Variants in HS6ST1 observed in about 807,000 individuals in gnomAD.
HS6ST1 encodes the protein heparan sulfate 6-O-sulfotransferase 1, also known as heparan-sulfate 6-O-sulfotransferase 1.
In HS6ST1, 3 loss-of-function variants were observed where a neutral mutation model predicts 25.2. The observed-to-expected ratio is 0.12, with a 90% confidence interval of 0.05 to 0.31. HS6ST1 has a LOEUF of 0.31. Ranked by LOEUF, HS6ST1 falls within the 10% of genes least tolerant of loss-of-function variation. HS6ST1 has a pLI of 1.00. For synonymous variants in HS6ST1, 204 were observed against 275.1 expected, an observed-to-expected ratio of 0.74 and a Z score of 2.56; for missense variants, 310 against 609.6, an observed-to-expected ratio of 0.51 and a Z score of 5.18.
chr2:128,286,947 G>C (rs930371509), intron 1 of HS6ST1, among the ~76,000 whole-genome samples: 2 of 152,200 alleles, frequency 1.3e-5, no homozygotes, highest in African/African-American at 4.8e-5. Flanking sequence ...CCTCCTAGGA[G>C]CCTGAGACTC....
intron 1 of HS6ST1, among the ~76,000 whole-genome samples, chr2:128,284,586 T>C (rs1693834772): frequency 6.6e-6 from 1 of 151,648 alleles, no homozygotes; most frequent in Non-Finnish European, 1.5e-5. Flanking sequence ...CTGCAACCTT[T>C]GCCTCCTGGG....
intron 1 of HS6ST1, among the ~76,000 whole-genome samples, chr2:128,297,009 C>T (rs1694047810): frequency 1.3e-5 from 2 of 152,138 alleles, no homozygotes; most frequent in African/African-American, 4.8e-5. Flanking sequence ...CTGCAGTGAG[C>T]CAGGTTCACA....
At chr2:128,298,223 G>A (rs1201424691) in intron 1 of HS6ST1, among the ~76,000 whole-genome samples, 1 of 152,134 alleles carries the variant, frequency 6.6e-6, no homozygotes, top group African/African-American at 2.4e-5. Flanking sequence ...TGGTGGGAAG[G>A]TAAAATGGTA....
At chr2:128,272,251 G>A (rs1693619784) in intron 1 of HS6ST1, among the ~76,000 whole-genome samples, 1 of 152,250 alleles carries the variant, frequency 6.6e-6, no homozygotes, top group South Asian at 2.1e-4. Flanking sequence ...CTGCAGGTAG[G>A]AGGACACGGG....
chr2:128,317,166 C>T (rs1024216029), intron 1 of HS6ST1, among the ~76,000 whole-genome samples: 1 of 152,222 alleles, frequency 6.6e-6, no homozygotes, highest in Non-Finnish European at 1.5e-5. Flanking sequence ...CCAGCAGCAC[C>T]CCAGGTTCCC....
intron 1 of HS6ST1, among the ~76,000 whole-genome samples, chr2:128,307,676 A>G (rs1432823501): frequency 1.3e-5 from 2 of 152,346 alleles, no homozygotes; most frequent in Non-Finnish European, 2.9e-5. Flanking sequence ...GTAAGATGCT[A>G]TCTCTCTGCC....
chr2:128,313,925 T>A (rs1694326193), intron 1 of HS6ST1, among the ~76,000 whole-genome samples: 1 of 151,180 alleles, frequency 6.6e-6, no homozygotes, highest in Non-Finnish European at 1.5e-5. Context: ...AAGTTTGCCT[T>A]ATCATGTGTT....
chr2:128,295,789 G>A (rs918455802), intron 1 of HS6ST1, among the ~76,000 whole-genome samples: 1 of 152,182 alleles, frequency 6.6e-6, no homozygotes, highest in Admixed American at 6.5e-5. Context: ...AACTGATGCA[G>A]AAACATCATT....
At chr2:128,273,137 G>GCAGTA (rs1693637020) in intron 1 of HS6ST1, among the ~76,000 whole-genome samples, 1 of 152,196 alleles carries the variant, frequency 6.6e-6, no homozygotes, top group Non-Finnish European at 1.5e-5. Flanking sequence ...TATTAGCAGT[G>GCAGTA]CTGGCCCAGC....
At position 128,268,294 on chromosome 2, in the gene HS6ST1, C is replaced by T; in HGVS notation, c.1104G>A (p.Arg368=). ...RYQYKRQLER[R]EQRLRSREER... The stretch of plus-strand genomic sequence containing the variant: ...CCTCGCGGCTCCTCAGGCGCTGCTC[C>T]CTGCGCTCCAGCTGCCGCTTGTACT... Residue 368 remains arginine (R), a synonymous_variant, in exon 2 of 2, where the codon AGG becomes AGA. Coordinates refer to ENST00000259241, the MANE Select transcript of HS6ST1 (RefSeq NM_004807.3). 6.2e-7 allele frequency: 1 copy of T among 1,613,004 alleles called. No individual in the cohort carries two copies. The highest frequency in any genetic ancestry group is 8.5e-7 in the Non-Finnish European group (1 of 1,179,814).
intron 1 of HS6ST1, among the ~76,000 whole-genome samples, 184 bp downstream of exon 1, chr2:128,317,853 G>A (rs1370717537): frequency 6.6e-6 from 1 of 152,202 alleles, no homozygotes; most frequent in Non-Finnish European, 1.5e-5. Context: ...GGTGACAGCC[G>A]GCTCACCCAG....
chr2:128,271,991 C>T (rs1441602729), intron 1 of HS6ST1, among the ~76,000 whole-genome samples: 1 of 152,222 alleles, frequency 6.6e-6, no homozygotes. Flanking sequence ...CAACCCCATA[C>T]CCAGGTCCCC....
At chr2:128,269,608 C>T (rs909059145) in intron 1 of HS6ST1, among the ~76,000 whole-genome samples, 21 of 152,206 alleles carry the variant, frequency 1.4e-4, no homozygotes, top group Non-Finnish European at 5.9e-5. Context: ...GTGGGTAAAA[C>T]GTGGTGGCGG....
intron 1 of HS6ST1, among the ~76,000 whole-genome samples, chr2:128,270,121 G>A (rs2104909982): frequency 6.6e-6 from 1 of 152,340 alleles, no homozygotes; most frequent in South Asian, 2.1e-4. Context: ...GATGGCTCCA[G>A]GGGCAGGCAG....
intron 1 of HS6ST1, among the ~76,000 whole-genome samples, chr2:128,295,029 C>A (rs1694020510): frequency 6.6e-6 from 1 of 152,172 alleles, no homozygotes; most frequent in South Asian, 2.1e-4. Flanking sequence ...GGCAGAAATG[C>A]AGGAGTCTGA....
chr2:128,274,141 G>A lies in HS6ST1; in HGVS notation c.528-5271C>T, dbSNP rs566490622. On this transcript the variant is annotated intron_variant, in intron 1 of 1. Coordinates refer to ENST00000259241, the MANE Select transcript of HS6ST1 (RefSeq NM_004807.3). ...ATCCATTCAGGTGCTCCAAGTGCCT[G>A]CCAGCAAGGCTTCCAGAAAGAGGGG... Among the ~76,000 whole-genome samples, 10 of 152,316 alleles carry A rather than the reference G, an allele frequency of 6.6e-5. No individual in the cohort carries two copies. In the East Asian group the frequency reaches 1.9e-3, roughly 29 times the overall value.
intron 1 of HS6ST1, among the ~76,000 whole-genome samples, chr2:128,281,687 C>T (rs1008672184): frequency 2.6e-5 from 4 of 152,190 alleles, no homozygotes; most frequent in Non-Finnish European, 1.5e-5. Flanking sequence ...AAATAAACTG[C>T]TGCCCTGTTT....
chr2:128,315,774 C>G (rs953689383), intron 1 of HS6ST1, among the ~76,000 whole-genome samples: 3 of 152,214 alleles, frequency 2.0e-5, no homozygotes, highest in African/African-American at 7.2e-5. Flanking sequence ...CTCAGTGCAG[C>G]TTGGCCCTGC....
At chr2:128,296,105 C>A (rs184464015) in intron 1 of HS6ST1, among the ~76,000 whole-genome samples, 3 of 152,216 alleles carry the variant, frequency 2.0e-5, no homozygotes, top group Non-Finnish European at 4.4e-5. Flanking sequence ...CAAGCCCTCA[C>A]CAGTTCCACA....
Sources: gnomAD v4.1 joint callset for allele counts (sites outside exome capture counted in the v4.1 genomes callset) on GRCh38, gnomAD v4.1.1 for gene constraint, MANE v1.5 for transcripts, NCBI Gene and HGNC (gene_info 2026-07-23, HGNC 2026-07-21) for gene names.